Variants in CAPRIN1 observed in about 807,000 individuals in gnomAD.
CAPRIN1 encodes cell cycle associated protein 1.
In CAPRIN1, 29 loss-of-function variants were observed where a neutral mutation model predicts 100.9. The ratio of observed to expected loss-of-function variants is 0.29; its 90% CI spans 0.21 to 0.39. CAPRIN1 has a LOEUF of 0.39. Among genes scored for constraint, CAPRIN1 ranks in the 10% least tolerant of loss-of-function variants. The pLI is 1.00. For missense variants in CAPRIN1, 795 were observed against 876.7 expected (o/e 0.91, Z 1.18); for synonymous variants, 338 against 307.5 (o/e 1.10, Z -1.04).
chr11:34,093,291 C>G (rs1851299469), intron 15 of CAPRIN1, among the ~76,000 whole-genome samples: 1 of 151,704 alleles, frequency 6.6e-6, no homozygotes, highest in African/African-American at 2.4e-5. Flanking sequence ...CTCTGGGGCT[C>G]AAATCCTGTA....
chr11:34,098,808 A>G (rs1851409842), intron 18 of CAPRIN1: 4 of 983,964 alleles, frequency 4.1e-6, no homozygotes, highest in Non-Finnish European at 4.8e-6. Context: ...AAAAGTCATT[A>G]TACAGTTTTG....
intron 9 of CAPRIN1, among the ~76,000 whole-genome samples, chr11:34,083,796 G>A (rs192149591): frequency 2.6e-5 from 4 of 152,238 alleles, no homozygotes; most frequent in East Asian, 3.9e-4. Context: ...GGCCGGGCAC[G>A]GTGGTTCATG....
At chr11:34,062,064 C>T (rs1850591875) in intron 2 of CAPRIN1, among the ~76,000 whole-genome samples, 1 of 151,588 alleles carries the variant, frequency 6.6e-6, no homozygotes, top group Non-Finnish European at 1.5e-5. Flanking sequence ...AGCATGCTTT[C>T]AACATTTGAA....
rs769772072 is a variant in CAPRIN1, at chr11:34,091,960, C to A, written c.1609C>A (p.Gln537Lys). The change falls in exon 15 of 19, where the codon CAG becomes AAG. Residue 537 changes from glutamine (Q) to lysine (K), a missense_variant. Gln to Lys is a moderately conservative substitution (Grantham distance 53). Around this residue, in one of 3 missense-constraint regions of CAPRIN1, gnomAD observed 648 missense variants for 697.9 expected, o/e 0.93. Transcript: ENST00000341394. Reference sequence around the variant, plus strand: ...TGTTAATGAACCAGAAACTTTAAAACAGCAAAATCAGTACCAGGCCAGTTA... The same window carrying A: ...TGTTAATGAACCAGAAACTTTAAAAAAGCAAAATCAGTACCAGGCCAGTTA... ...PPVNEPETLKQQNQYQASYNQ... is the reference protein window; with the variant it reads ...PPVNEPETLKKQNQYQASYNQ... 2 of 1,613,822 alleles carry A rather than the reference C, an allele frequency of 1.2e-6. No individual in the cohort carries two copies. The highest frequency in any genetic ancestry group is 2.2e-5 in the East Asian group (1 of 44,840).
At chr11:34,065,209 G>A (rs187999632) in intron 2 of CAPRIN1, among the ~76,000 whole-genome samples, 12 of 152,050 alleles carry the variant, frequency 7.9e-5, no homozygotes, top group African/African-American at 2.4e-4. Context: ...TGATCTGCCC[G>A]CCTCAGCCTC....
chr11:34,079,393 G>A (rs768603851), intron 6 of CAPRIN1, among the ~76,000 whole-genome samples: 1 of 152,066 alleles, frequency 6.6e-6, no homozygotes, highest in African/African-American at 2.4e-5. Flanking sequence ...GAGCAAGACT[G>A]TATCTCAAAA....
chr11:34,079,371 G>T lies in CAPRIN1; in HGVS notation c.689-257G>T, dbSNP rs150284689. 3.7e-3 allele frequency among the ~76,000 whole-genome samples: 571 copies of T among 152,280 alleles called. 1 individual carries two copies. The highest frequency in any genetic ancestry group is 0.014 in the Middle Eastern group (4 of 294). ...GCTGAGATAACGCCACTGCACTCCA[G>T]CCTGGGTTTCAGAGCAAGACTGTAT... On this transcript the variant is annotated intron_variant, in intron 6 of 18. Transcript: ENST00000341394.
At chr11:34,052,398 T>A in intron 1 of CAPRIN1, 23 bp from the exon 2 acceptor site, 1 of 1,596,640 alleles carries the variant, frequency 6.3e-7, no homozygotes, top group Non-Finnish European at 8.5e-7. Flanking sequence ...CCGCTTTTTC[T>A]TCTCTCTCCT....
chr11:34,099,432 C>A lies in CAPRIN1; in HGVS notation c.*65C>A. ...TGGCCAGTGTACCATAATATGTTAC[C>A]AGAAGAGTTATTATCTATTTGTTCT... On this transcript the variant is annotated 3_prime_UTR_variant, in exon 19 of 19. Transcript: ENST00000341394. 7.7e-7 allele frequency: 1 copy of A among 1,293,326 alleles called. No homozygotes were observed. The highest frequency in any genetic ancestry group is 1.1e-6 in the Non-Finnish European group (1 of 890,430). 80.1% of individuals were successfully genotyped at this position (1,293,326 alleles called of 1,614,324 possible).
At chr11:34,071,563 CAAA>C (rs796340955) in intron 2 of CAPRIN1, among the ~76,000 whole-genome samples, 160 bp from the exon 3 acceptor site, 1 of 140,188 alleles carries the variant, frequency 7.1e-6, no homozygotes, top group Admixed American at 7.2e-5. Context: ...AACTCTGTCT[CAAA>C]AAAAAAAAAT....
intron 2 of CAPRIN1, among the ~76,000 whole-genome samples, chr11:34,068,493 G>A (rs764148304): frequency 3.5e-4 from 54 of 152,242 alleles, no homozygotes; most frequent in Admixed American, 4.6e-4. Flanking sequence ...GATAGCTCTC[G>A]GTTTGGATGA....
chr11:34,098,116 A>G (rs750238010), intron 18 of CAPRIN1: 4 of 1,002,366 alleles, frequency 4.0e-6, no homozygotes, highest in African/African-American at 1.7e-5. Context: ...GAGATTGAAC[A>G]TTTATATAAA....
At chr11:34,098,829 A>C (rs1313827000) in intron 18 of CAPRIN1, 10 of 984,216 alleles carry the variant, frequency 1.0e-5, no homozygotes, top group Non-Finnish European at 1.1e-5. Flanking sequence ...AATGTTATGT[A>C]GTTTCTTTTT....
intron 4 of CAPRIN1, among the ~76,000 whole-genome samples, chr11:34,072,244 T>C (rs1350839707): frequency 6.6e-6 from 1 of 151,824 alleles, no homozygotes; most frequent in Non-Finnish European, 1.5e-5. Flanking sequence ...AGTTCATGGC[T>C]GTGGTGCATA....
chr11:34,052,616 C>A lies in CAPRIN1; in HGVS notation c.196C>A (p.Arg66=), dbSNP rs1307886098. The A allele has an allele frequency of 4.3e-6, 7 of 1,609,996 alleles. No homozygotes were observed. Among genetic ancestry groups the A allele is most frequent in the Non-Finnish European group, 4.2e-6 (5 of 1,178,568 alleles). Reference sequence around the variant, plus strand: ...TCTCGGGGTGATCGACAAGAAACTTCGGAACCTGGAGAAGAAAAAGGTGCC... The same window carrying A: ...TCTCGGGGTGATCGACAAGAAACTTAGGAACCTGGAGAAGAAAAAGGTGCC... ...QILGVIDKKL[R]NLEKKKGKLD... is the part of the protein sequence containing the mutation. The change falls in exon 2 of 19, where the codon CGG becomes AGG. Residue 66 remains arginine (R), a synonymous_variant. Coordinates refer to ENST00000341394, the MANE Select transcript of CAPRIN1 (RefSeq NM_005898.5).
intron 7 of CAPRIN1, among the ~76,000 whole-genome samples, chr11:34,080,798 G>A (rs1851014244): frequency 2.0e-5 from 3 of 152,224 alleles, no homozygotes; most frequent in South Asian, 4.1e-4. Flanking sequence ...AATATGTCAA[G>A]TGTGTATACA....
chr11:34,099,060 A>G (rs1851414218), intron 18 of CAPRIN1: 1 of 1,380,932 alleles, frequency 7.2e-7, no homozygotes, highest in African/African-American at 1.5e-5. Flanking sequence ...GAATGAATGA[A>G]TGAATGAGTA....
chr11:34,095,195 C>CT (rs1851346546), intron 15 of CAPRIN1, among the ~76,000 whole-genome samples: 2 of 152,146 alleles, frequency 1.3e-5, no homozygotes, highest in Middle Eastern at 6.8e-3. Context: ...TACACCCAGC[C>CT]TGGCTATGAA....
intron 6 of CAPRIN1, among the ~76,000 whole-genome samples, chr11:34,077,795 T>C (rs1278540424): frequency 6.6e-6 from 1 of 152,220 alleles, no homozygotes; most frequent in Non-Finnish European, 1.5e-5. Flanking sequence ...GTGCCAGTCC[T>C]TGTCTGTCCT....
Sources: gnomAD v4.1 joint callset for allele counts (sites outside exome capture counted in the v4.1 genomes callset) on GRCh38, gnomAD v4.1.1 for gene constraint, gnomAD v4.1.1 regional missense constraint, MANE v1.5 for transcripts, NCBI Gene and HGNC (gene_info 2026-07-23, HGNC 2026-07-21) for gene names.